The following DSCC1 variants were observed in gnomAD, a reference collection of about 807,000 sequenced individuals.
The protein encoded by DSCC1 is sister chromatid cohesion protein DCC1.
Under a neutral mutation model 48.2 loss-of-function variants are expected in DSCC1, and 32 were observed. The observed-to-expected ratio is 0.66, with a 90% CI of 0.50 to 0.89. The LOEUF (loss-of-function observed/expected upper bound fraction) is 0.89, where lower values mean the gene tolerates loss of function less well. Among genes scored for constraint, DSCC1 ranks in the 40% least tolerant of loss-of-function variants. The pLI is 0.00. For missense variants in DSCC1, 421 were observed against 471.7 expected (o/e 0.89, Z 1.00); for synonymous variants, 150 against 171.5 (o/e 0.87, Z 0.98).
At position 119,846,984 on chromosome 8, in the gene DSCC1, C is replaced by T. The variant is rs780933974; in HGVS notation, c.577+6G>A. 102 of 1,612,700 alleles carry T rather than the reference C, an allele frequency of 6.3e-5. No homozygotes were observed. The East Asian group carries it at 1.1e-3, about 17-fold the overall frequency. ...TCATTGTTAAAATAGTAGTAAGTAACGCTACCTCCAATCTTACAGGCATTT... is the reference window on the plus strand; with the variant it reads ...TCATTGTTAAAATAGTAGTAAGTAATGCTACCTCCAATCTTACAGGCATTT... On this transcript the variant is annotated splice_donor_region_variant and intron_variant, in intron 4 of 8. Coordinates refer to ENST00000313655, the MANE Select transcript of DSCC1 (RefSeq NM_024094.3).
Position 119,850,379 on chromosome 8 carries a change from T to C in DSCC1, c.486+3A>G. 6.4e-7 allele frequency: 1 copy of C among 1,555,174 alleles called. No homozygotes were observed. The highest frequency in any genetic ancestry group is 8.6e-7 in the Non-Finnish European group (1 of 1,160,506). The stretch of plus-strand genomic sequence containing the variant: ...CAAATAAAAAAGTGAAAATAAGTCT[T>C]ACTTTTGAGCTATTTGAATCCTTCT... On this transcript the variant is annotated splice_donor_region_variant and intron_variant, in intron 3 of 8. Transcript: ENST00000313655.
At chr8:119,842,609 A>T (rs1013019511) in intron 6 of DSCC1, among the ~76,000 whole-genome samples, 167 bp downstream of exon 6, 1 of 151,588 alleles carries the variant, frequency 6.6e-6, no homozygotes, top group Non-Finnish European at 1.5e-5. Context: ...TGGTCTTGAA[A>T]TCCTGGGTTC....
intron 2 of DSCC1, among the ~76,000 whole-genome samples, chr8:119,851,247 A>G (rs1420184302): frequency 2.0e-5 from 3 of 152,202 alleles, no homozygotes; most frequent in African/African-American, 7.2e-5. Context: ...TCTGAAATGG[A>G]AGGACAGGGG....
At chr8:119,851,051 T>C (rs530640579) in intron 2 of DSCC1, among the ~76,000 whole-genome samples, 178 of 152,266 alleles carry the variant, frequency 1.2e-3, no homozygotes, top group South Asian at 2.1e-3. Flanking sequence ...ACTGTTCGAT[T>C]TGTGAAATAG....
rs1055131 is a variant in DSCC1, at chr8:119,834,883, C to T, written c.*10G>A. 856,403 of 1,537,150 alleles carry T rather than the reference C, an allele frequency of 0.56. 241,221 individuals are homozygous for T. The highest frequency in any genetic ancestry group is 0.68 in the Middle Eastern group (3,992 of 5,848). On this transcript the variant is annotated 3_prime_UTR_variant, in exon 9 of 9. Transcript: ENST00000313655. Reference sequence around the variant, plus strand: ...GCAACTTGAGTCCTGAAGAAAAGACCGTTGTTCTTTTAAGAAATGGGTCTT... The same window carrying T: ...GCAACTTGAGTCCTGAAGAAAAGACTGTTGTTCTTTTAAGAAATGGGTCTT...
At chr8:119,848,910 C>T (rs1433851271) in intron 3 of DSCC1, among the ~76,000 whole-genome samples, 3 of 151,760 alleles carry the variant, frequency 2.0e-5, no homozygotes, top group Non-Finnish European at 4.4e-5. Context: ...GCCGGCCGGG[C>T]GCGGTGGCTC....
In DSCC1 at chr8:119,847,031, A is replaced by G; in HGVS notation, c.536T>C (p.Ile179Thr). ...ATTTAGAACTTGTAATTGGGTCATT[A>G]TTTCTTCCTCACTTGCCTGAATTTG... ...LDQIQASEEE[I>T]MTQLQVLNAC... is the part of the protein sequence containing the mutation. Residue 179 changes from isoleucine to threonine, a missense_variant, in exon 4 of 9, where the codon ATA becomes ACA. Physicochemically the swap from Ile to Thr is moderately conservative, Grantham distance 89 (BLOSUM62 -1). This residue lies in a region of DSCC1 where 238 missense variants were observed against 259.0 expected (regional missense o/e 0.92). Transcript: ENST00000313655. 6.2e-7 allele frequency: 1 copy of G among 1,613,794 alleles called. No individual in the cohort carries two copies. The highest frequency in any genetic ancestry group is 8.5e-7 in the Non-Finnish European group (1 of 1,180,024).
rs1563946870 is a variant in DSCC1 at position 119,850,368 on chromosome 8, A to T, written c.486+14T>A. 6.5e-7 allele frequency: 1 copy of T among 1,550,350 alleles called. No homozygotes were observed. Among genetic ancestry groups the T allele is most frequent in the Non-Finnish European group, 8.6e-7 (1 of 1,157,816 alleles). Reference sequence around the variant, plus strand: ...TTGTTAAATTCCAAATAAAAAAGTGAAAATAAGTCTTACTTTTGAGCTATT... The same window carrying T: ...TTGTTAAATTCCAAATAAAAAAGTGTAAATAAGTCTTACTTTTGAGCTATT... On this transcript the variant is annotated intron_variant, in intron 3 of 8. Coordinates refer to ENST00000313655, the MANE Select transcript of DSCC1 (RefSeq NM_024094.3).
intron 4 of DSCC1, among the ~76,000 whole-genome samples, chr8:119,845,684 C>A (rs1205028468): frequency 6.6e-6 from 1 of 151,514 alleles, no homozygotes. Flanking sequence ...CACCGTGGCT[C>A]ACACCTGTAA....
chr8:119,852,463 C>G (rs777351722), intron 2 of DSCC1, among the ~76,000 whole-genome samples: 11 of 152,152 alleles, frequency 7.2e-5, no homozygotes, highest in Non-Finnish European at 1.3e-4. Context: ...AAGCAATTCT[C>G]CTGCCTCAGC....
intron 3 of DSCC1, 70 bp from the exon 4 acceptor site, chr8:119,847,150 G>C: frequency 7.5e-7 from 1 of 1,326,500 alleles, no homozygotes; most frequent in Admixed American, 1.9e-5. Flanking sequence ...GCTGAATATT[G>C]AGGAATAAAT....
intron 4 of DSCC1, among the ~76,000 whole-genome samples, chr8:119,844,497 C>T (rs1245094704): frequency 1.3e-5 from 2 of 150,100 alleles, no homozygotes; most frequent in African/African-American, 2.4e-5. Context: ...AGCTTTTCTC[C>T]CAATCATTTT....
rs146974303 is a variant in DSCC1, at chr8:119,849,697, G to A, written c.486+685C>T. Reference sequence around the variant, plus strand: ...ATGGTGGTAATGGTTGCACAACTCTGAGAATGTACAAAAAATTATTCAATT... The same window carrying A: ...ATGGTGGTAATGGTTGCACAACTCTAAGAATGTACAAAAAATTATTCAATT... On this transcript the variant is annotated intron_variant, in intron 3 of 8. Transcript: ENST00000313655. Among the ~76,000 whole-genome samples the A allele has an allele frequency of 9.8e-5, 15 of 152,294 alleles. No homozygotes were observed. In the East Asian group the frequency reaches 2.5e-3, roughly 25 times the overall value.
At chr8:119,847,209 G>A (rs541196277) in intron 3 of DSCC1, 129 bp from the exon 4 acceptor site, 4 of 700,114 alleles carry the variant, frequency 5.7e-6, no homozygotes, top group Non-Finnish European at 9.4e-6. Flanking sequence ...AGTTTCTTTT[G>A]TTAACATGTA....
chr8:119,847,611 T>G (rs1826876075), intron 3 of DSCC1, among the ~76,000 whole-genome samples: 1 of 152,150 alleles, frequency 6.6e-6, no homozygotes, highest in African/African-American at 2.4e-5. Flanking sequence ...ATGAATGTAC[T>G]TGATGCTACT....
rs1253651268 is a variant in DSCC1, at chr8:119,842,813, G to C, written c.732C>G (p.His244Gln). 6.3e-7 allele frequency: 1 copy of C among 1,595,702 alleles called. No homozygotes were observed. The highest frequency in any genetic ancestry group is 1.4e-5 in the African/African-American group (1 of 73,260). The change falls in exon 6 of 9, where the codon CAC (histidine) becomes CAG (glutamine). Residue 244 changes from histidine to glutamine, a missense_variant. This residue lies in a region of DSCC1 where 238 missense variants were observed against 259.0 expected (regional missense o/e 0.92). Coordinates refer to ENST00000313655, the MANE Select transcript of DSCC1 (RefSeq NM_024094.3). ...ATTTCTTCCCATAACATTTAAGACA[G>C]TGTTCTATCATTTCCCTGAAAAATT... is the stretch of plus-strand genomic sequence containing the variant. ...GPLEPEEMIE[H>Q]CLKCYGKKYV... is the part of the protein sequence containing the mutation.
chr8:119,841,536 T>C (rs567789113), intron 7 of DSCC1, among the ~76,000 whole-genome samples: 1 of 152,164 alleles, frequency 6.6e-6, no homozygotes, highest in African/African-American at 2.4e-5. Flanking sequence ...GTGATAGATA[T>C]GTTCTAAAAC....
chr8:119,852,437 T>C (rs1826953935), intron 2 of DSCC1, among the ~76,000 whole-genome samples: 1 of 152,104 alleles, frequency 6.6e-6, no homozygotes, highest in African/African-American at 2.4e-5. Flanking sequence ...CTCTGAAACC[T>C]CTGCCTCCTG....
Position 119,834,766 on chromosome 8 carries a change from A to C in DSCC1, c.*127T>G. On this transcript the variant is annotated 3_prime_UTR_variant, in exon 9 of 9. Transcript: ENST00000313655. ...AATAACAGTAGTTTCAAAATGCTTA[A>C]GATGAGGAGAAAAATGCCTTAGAAG... is the stretch of plus-strand genomic sequence containing the variant. The C allele has an allele frequency of 1.5e-6, 1 of 679,986 alleles. No individual in the cohort carries two copies. Among genetic ancestry groups the C allele is most frequent in the South Asian group, 1.7e-5 (1 of 59,944 alleles). The allele number at this position is 679,986 out of a possible 1,614,324, so 42.1% of individuals were successfully genotyped here.
Sources: gnomAD v4.1 joint callset for allele counts (sites outside exome capture counted in the v4.1 genomes callset) on GRCh38, gnomAD v4.1.1 for gene constraint, gnomAD v4.1.1 regional missense constraint, MANE v1.5 for transcripts, NCBI Gene and HGNC (gene_info 2026-07-23, HGNC 2026-07-21) for gene names.